The following TSPAN18 variants were observed in gnomAD, a reference collection of about 807,000 sequenced individuals.
TSPAN18 encodes the protein tetraspanin 18.
In TSPAN18, 14 loss-of-function variants were observed where a neutral mutation model predicts 27.3. The observed-to-expected ratio is 0.51, with a 90% CI of 0.34 to 0.80. The LOEUF is 0.80. TSPAN18 is among the 30% of genes least tolerant of loss of function. The probability of loss-of-function intolerance (pLI) is 0.01; values close to 1 mark genes in which losing one functional copy is unlikely to be tolerated. For missense variants in TSPAN18, 268 were observed against 323.9 expected, an observed-to-expected ratio of 0.83 and a Z score of 1.32; for synonymous variants, 143 against 136.5, an observed-to-expected ratio of 1.05 and a Z score of -0.33.
chr11:44,863,338 C>A (rs1310801194), intron 3 of TSPAN18, among the ~76,000 whole-genome samples: 1 of 152,238 alleles, frequency 6.6e-6, no homozygotes, highest in African/African-American at 2.4e-5. Context: ...GCCTTCTTTC[C>A]CGCAGGCCTC....
intron 2 of TSPAN18, among the ~76,000 whole-genome samples, chr11:44,781,534 G>A (rs1855939972): frequency 6.6e-6 from 1 of 152,170 alleles, no homozygotes; most frequent in Admixed American, 6.5e-5. Context: ...GCACATCCTT[G>A]CTGGATGATG....
Position 44,926,779 on chromosome 11 carries a change from T to C in TSPAN18, c.699+22T>C, listed in dbSNP as rs1860375098. The C allele has an allele frequency of 2.5e-6, 4 of 1,611,522 alleles. No homozygotes were observed. The African/African-American group carries it at 5.3e-5, about 21-fold the overall frequency. On this transcript the variant is annotated intron_variant, in intron 9 of 9. Transcript: ENST00000520358. Reference sequence around the variant, plus strand: ...CGAGGTAAGTAAAGGCCCCCACTTCTGCCGCTCCCCAGGATGAAGCCTCAC... The same window carrying C: ...CGAGGTAAGTAAAGGCCCCCACTTCCGCCGCTCCCCAGGATGAAGCCTCAC...
At chr11:44,732,279 G>A (rs1173308699) in intron 1 of TSPAN18, among the ~76,000 whole-genome samples, 6 of 152,236 alleles carry the variant, frequency 3.9e-5, no homozygotes, top group East Asian at 1.9e-4. Context: ...GACACTTGGG[G>A]AATGCTGCCG....
intron 1 of TSPAN18, among the ~76,000 whole-genome samples, chr11:44,745,564 G>T (rs752593957): frequency 1.3e-5 from 2 of 152,222 alleles, no homozygotes; most frequent in Non-Finnish European, 2.9e-5. Context: ...GAGTTGGGGG[G>T]TGTCCAGAAG....
intron 3 of TSPAN18, among the ~76,000 whole-genome samples, chr11:44,862,979 C>T (rs1195749232): frequency 1.3e-5 from 2 of 152,222 alleles, no homozygotes; most frequent in Non-Finnish European, 2.9e-5. Context: ...ACAAGCTCCA[C>T]TTCCCAGGCA....
intron 2 of TSPAN18, among the ~76,000 whole-genome samples, chr11:44,794,358 G>C (rs1856298105): frequency 6.6e-6 from 1 of 151,810 alleles, no homozygotes; most frequent in African/African-American, 2.4e-5. Flanking sequence ...TAGAGCCCAG[G>C]GTCTTTGGTA....
intron 3 of TSPAN18, among the ~76,000 whole-genome samples, chr11:44,873,519 G>A (rs1452594318): frequency 6.6e-6 from 1 of 152,208 alleles, no homozygotes; most frequent in Non-Finnish European, 1.5e-5. Context: ...CTTGACTGGG[G>A]ACAAAGAAAG....
chr11:44,918,979 G>A (rs1345906345), intron 6 of TSPAN18, among the ~76,000 whole-genome samples: 2 of 85,414 alleles, frequency 2.3e-5, no homozygotes, highest in Admixed American at 2.2e-4. Flanking sequence ...TCCTCAGCGT[G>A]CCCTGACCTC....
chr11:44,745,749 T>C (rs991472941), intron 1 of TSPAN18, among the ~76,000 whole-genome samples: 3 of 152,168 alleles, frequency 2.0e-5, no homozygotes, highest in Admixed American at 6.5e-5. Context: ...AAAACATGGC[T>C]GGGCGCGGTG....
At chr11:44,894,916 GT>G (rs1858988864) in intron 3 of TSPAN18, among the ~76,000 whole-genome samples, 1 of 152,190 alleles carries the variant, frequency 6.6e-6, no homozygotes, top group African/African-American at 2.4e-5. Context: ...CTGGTTTGGG[GT>G]CCAGCTGACT....
At chr11:44,749,532 G>A (rs555933428) in intron 1 of TSPAN18, among the ~76,000 whole-genome samples, 1 of 152,008 alleles carries the variant, frequency 6.6e-6, no homozygotes, top group African/African-American at 2.4e-5. Flanking sequence ...CCACCAGAGT[G>A]TCTTGGGGAT....
At chr11:44,892,666 A>G (rs1037080944) in intron 3 of TSPAN18, among the ~76,000 whole-genome samples, 2 of 152,226 alleles carry the variant, frequency 1.3e-5, no homozygotes, top group Non-Finnish European at 1.5e-5. Context: ...GCTTAAGTCC[A>G]GCCCCGGTCT....
chr11:44,741,001 C>A (rs1395515657), intron 1 of TSPAN18, among the ~76,000 whole-genome samples: 1 of 152,134 alleles, frequency 6.6e-6, no homozygotes, highest in African/African-American at 2.4e-5. Flanking sequence ...TTTCTGATAT[C>A]CCATCCGCAT....
chr11:44,907,330 G>A (rs987736162), intron 4 of TSPAN18, among the ~76,000 whole-genome samples: 2 of 152,150 alleles, frequency 1.3e-5, no homozygotes, highest in African/African-American at 4.8e-5. Context: ...TTTGATCTTA[G>A]TACAGCCAAG....
At chr11:44,880,495 T>C (rs771465358) in intron 3 of TSPAN18, among the ~76,000 whole-genome samples, 1 of 152,116 alleles carries the variant, frequency 6.6e-6, no homozygotes, top group Non-Finnish European at 1.5e-5. Context: ...ACACAGAAGG[T>C]CTCCTGGCAC....
intron 2 of TSPAN18, among the ~76,000 whole-genome samples, chr11:44,806,852 G>T (rs1856603548): frequency 6.6e-6 from 1 of 152,136 alleles, no homozygotes; most frequent in Non-Finnish European, 1.5e-5. Context: ...AAGTGTATTA[G>T]CAATAAGAGG....
At chr11:44,925,179 C>A (rs762259934) in intron 8 of TSPAN18, among the ~76,000 whole-genome samples, 2 of 152,242 alleles carry the variant, frequency 1.3e-5, no homozygotes, top group Non-Finnish European at 2.9e-5. Flanking sequence ...TGAGGTCTTT[C>A]AAAGCCTGGC....
At chr11:44,756,648 G>T (rs1331817835) in intron 1 of TSPAN18, among the ~76,000 whole-genome samples, 1 of 152,090 alleles carries the variant, frequency 6.6e-6, no homozygotes, top group African/African-American at 2.4e-5. Context: ...CATGTTTCAT[G>T]TAAGTGGAAT....
At chr11:44,792,930 GCTCCTGCAAGGCGT>G (rs1372791363) in intron 2 of TSPAN18, among the ~76,000 whole-genome samples, 1 of 152,152 alleles carries the variant, frequency 6.6e-6, no homozygotes, top group African/African-American at 2.4e-5. Flanking sequence ...GAGTGGTCCA[GCTCCTGCAAGGCGT>G]CTCGTGTGAC....
Sources: allele counts gnomAD v4.1 joint callset (sites outside exome capture counted in the v4.1 genomes callset), GRCh38; gene constraint gnomAD v4.1.1; transcripts MANE v1.5; gene names NCBI Gene and HGNC (gene_info 2026-07-23, HGNC 2026-07-21).